KIAA1328: variants seen among roughly 807,000 people sequenced by gnomAD.
KIAA1328 encodes KIAA1328.
Under a neutral mutation model 68.1 loss-of-function variants are expected in KIAA1328, and 52 were observed. The observed-to-expected ratio is 0.76, with a 90% confidence interval of 0.61 to 0.96. The LOEUF (loss-of-function observed/expected upper bound fraction) is 0.96. Among genes scored for constraint, KIAA1328 ranks in the 40% least tolerant of loss-of-function variants. The pLI, the probability that KIAA1328 is intolerant of heterozygous loss-of-function variation, is 0.00. For missense variants in KIAA1328, 641 were observed against 677.6 expected (o/e 0.95, Z 0.60); for synonymous variants, 232 against 239.4 (o/e 0.97, Z 0.28).
rs536577102 is a variant in KIAA1328, at chr18:36,867,105, C to T, written c.333-18452C>T. 9.5e-4 allele frequency among the ~76,000 whole-genome samples: 144 copies of T among 152,210 alleles called. 2 individuals are homozygous for T. Among genetic ancestry groups the T allele is most frequent in the African/African-American group, 3.3e-3 (139 of 41,556 alleles). On this transcript the variant is annotated intron_variant, in intron 4 of 9. Coordinates refer to ENST00000280020, the MANE Select transcript of KIAA1328 (RefSeq NM_020776.3). The stretch of plus-strand genomic sequence containing the variant: ...TCTCATGTTGAAATGTGATCCCCAG[C>T]GTTGGAGGTGTGTCCTGGTGGGAGG...
intron 6 of KIAA1328, among the ~76,000 whole-genome samples, chr18:36,961,235 A>G (rs2051655407): frequency 6.6e-6 from 1 of 152,166 alleles, no homozygotes; most frequent in African/African-American, 2.4e-5. Flanking sequence ...GATCAACTTA[A>G]TGAAATAAAG....
At chr18:37,213,923 G>A (rs1367974555) in intron 9 of KIAA1328, among the ~76,000 whole-genome samples, 8 of 152,114 alleles carry the variant, frequency 5.3e-5, no homozygotes, top group Non-Finnish European at 8.8e-5. Context: ...TTTTTCATGT[G>A]TCTGTTGGCT....
At chr18:36,977,162 G>A (rs2052503089) in intron 6 of KIAA1328, among the ~76,000 whole-genome samples, 1 of 152,134 alleles carries the variant, frequency 6.6e-6, no homozygotes, top group South Asian at 2.1e-4. Context: ...GCACTGTTTA[G>A]CACTGATGGG....
intron 7 of KIAA1328, among the ~76,000 whole-genome samples, chr18:37,106,968 G>T (rs1043994588): frequency 6.6e-6 from 1 of 152,158 alleles, no homozygotes; most frequent in African/African-American, 2.4e-5. Context: ...TCTTGGCCAG[G>T]TGCAGTAGCT....
At chr18:36,857,974 A>G (rs1045165610) in intron 4 of KIAA1328, among the ~76,000 whole-genome samples, 4 of 152,084 alleles carry the variant, frequency 2.6e-5, no homozygotes, top group Non-Finnish European at 2.9e-5. Context: ...TTATTCTATC[A>G]TTGTTTATAG....
At chr18:36,912,662 A>G (rs985074651) in intron 5 of KIAA1328, among the ~76,000 whole-genome samples, 4 of 152,226 alleles carry the variant, frequency 2.6e-5, no homozygotes, top group South Asian at 4.2e-4. Flanking sequence ...CCCCATCCCA[A>G]CATTCCCAAA....
chr18:37,080,675 T>A (rs2056919397), intron 7 of KIAA1328, among the ~76,000 whole-genome samples: 2 of 150,912 alleles, frequency 1.3e-5, no homozygotes, highest in South Asian at 4.2e-4. Flanking sequence ...CTCGGGAGGC[T>A]GAGGCAGGAG....
intron 9 of KIAA1328, among the ~76,000 whole-genome samples, chr18:37,195,769 T>C (rs1272045032): frequency 2.6e-5 from 4 of 152,214 alleles, no homozygotes; most frequent in African/African-American, 9.6e-5. Flanking sequence ...TGCTCAGGCT[T>C]TCTTTAGCTA....
chr18:37,128,917 AT>A (rs544918147), intron 7 of KIAA1328, among the ~76,000 whole-genome samples: 699 of 152,334 alleles, frequency 4.6e-3, no homozygotes, highest in Non-Finnish European at 7.1e-3. Flanking sequence ...AAAAGACCAT[AT>A]ATGGTATGAT....
intron 5 of KIAA1328, chr18:36,923,925 G>T (rs1261096140): frequency 6.6e-6 from 1 of 152,206 alleles, no homozygotes; most frequent in African/African-American, 2.4e-5. Flanking sequence ...TGATGAGAGT[G>T]TAGGTTGCAA....
At chr18:37,026,559 C>T (rs2054590172) in intron 6 of KIAA1328, among the ~76,000 whole-genome samples, 1 of 152,176 alleles carries the variant, frequency 6.6e-6, no homozygotes, top group Non-Finnish European at 1.5e-5. Context: ...GGATGCAAGA[C>T]TGGTTCAACA....
Position 37,064,543 on chromosome 18 carries a change from C to A in KIAA1328, c.577-2347C>A, listed in dbSNP as rs1012093428. Among the ~76,000 whole-genome samples the A allele has an allele frequency of 7.6e-5, 11 of 145,490 alleles. No individual in the cohort carries two copies. In the Admixed American group the frequency reaches 7.6e-4, roughly 10 times the overall value. ...GCATGGTAGACTGAAAGTACCCCCC[C>A]CCCCAAATATGACCATGTCTTAATT... On this transcript the variant is annotated intron_variant, in intron 6 of 9. Transcript: ENST00000280020.
chr18:37,225,846 C>T (rs183026003), downstream of KIAA1328, among the ~76,000 whole-genome samples: 26 of 152,222 alleles, frequency 1.7e-4, 2 homozygotes, highest in Middle Eastern at 6.8e-3. Context: ...CACCTGAATA[C>T]GGAGACTTCG....
chr18:37,084,546 T>C (rs1286916659), intron 7 of KIAA1328: 2 of 169,666 alleles, frequency 1.2e-5, no homozygotes, highest in Non-Finnish European at 1.2e-5. Flanking sequence ...ATACAGAATT[T>C]TATGTTACTT....
At chr18:37,078,267 G>A (rs1599181464) in intron 7 of KIAA1328, among the ~76,000 whole-genome samples, 1 of 152,184 alleles carries the variant, frequency 6.6e-6, no homozygotes, top group Non-Finnish European at 1.5e-5. Context: ...GGGAAAACTG[G>A]CTAGCCATAT....
chr18:37,022,145 T>A (rs1273803057), intron 6 of KIAA1328, among the ~76,000 whole-genome samples: 2 of 152,132 alleles, frequency 1.3e-5, no homozygotes, highest in Non-Finnish European at 2.9e-5. Context: ...AGCATGTGCC[T>A]CATTGAAATT....
intron 6 of KIAA1328, among the ~76,000 whole-genome samples, chr18:37,054,863 TA>T (rs1350343432): frequency 6.6e-6 from 1 of 152,230 alleles, no homozygotes; most frequent in East Asian, 1.9e-4. Context: ...TAGTTACTGT[TA>T]AAAATGTTGA....
intron 7 of KIAA1328, among the ~76,000 whole-genome samples, chr18:37,122,183 T>C (rs995419326): frequency 6.6e-6 from 1 of 151,900 alleles, no homozygotes. Flanking sequence ...CAAGAGAAAA[T>C]TGTGTCATAA....
rs201560079 is a variant in KIAA1328 at position 36,914,745 on chromosome 18, T to A, written c.448+29073T>A. Among the ~76,000 whole-genome samples, 18 of 151,964 alleles carry A rather than the reference T, an allele frequency of 1.2e-4. No homozygotes were observed. The East Asian group carries it at 3.5e-3, about 29-fold the overall frequency. ...ATTTAAAAAGTTAGATAAAAAAATA[T>A]ATATATTACAGGATCTAAGAAAAAC... is the stretch of plus-strand genomic sequence containing the variant. On this transcript the variant is annotated intron_variant, in intron 5 of 9. Transcript: ENST00000280020.
Sources: allele counts gnomAD v4.1 joint callset (sites outside exome capture counted in the v4.1 genomes callset), GRCh38; gene constraint gnomAD v4.1.1; transcripts MANE v1.5; gene names NCBI Gene and HGNC (gene_info 2026-07-23, HGNC 2026-07-21).